The following ACCSL variants were observed in gnomAD, a reference collection of about 807,000 sequenced individuals.
ACCSL encodes the protein probable inactive 1-aminocyclopropane-1-carboxylate synthase-like protein 2.
In ACCSL, 55 loss-of-function variants were observed where a neutral mutation model predicts 61.7. That is an observed-to-expected ratio of 0.89 (90% CI 0.72 to 1.12). ACCSL has a LOEUF of 1.12. ACCSL is among the 50% of genes most tolerant of loss of function. ACCSL has a pLI of 0.00. For missense variants in ACCSL, 632 were observed against 698.0 expected (o/e 0.91, Z 1.07); for synonymous variants, 258 against 264.3 (o/e 0.98, Z 0.23).
chr11:44,022,622 A>G, the ACCSL span, among the ~76,000 whole-genome samples: 2 of 151,934 alleles, frequency 1.3e-5, no homozygotes, highest in Non-Finnish European at 2.9e-5. Flanking sequence ...TTCTTGTCTG[A>G]TTGCTCTGGC....
chr11:43,994,659 G>T, the ACCSL span, among the ~76,000 whole-genome samples: 2 of 151,904 alleles, frequency 1.3e-5, no homozygotes, highest in Middle Eastern at 3.4e-3. Flanking sequence ...TTGAGACAGG[G>T]TCTCACTCTG....
chr11:43,959,728 T>C, the ACCSL span, among the ~76,000 whole-genome samples: 4 of 152,154 alleles, frequency 2.6e-5, no homozygotes, highest in African/African-American at 9.7e-5. Flanking sequence ...ATCCTGGCCC[T>C]CAGGGAGATT....
At chr11:44,004,103 C>T in the ACCSL span, among the ~76,000 whole-genome samples, 189 of 151,870 alleles carry the variant, frequency 1.2e-3, 1 homozygote, top group Middle Eastern at 0.01. Flanking sequence ...CCTCTTGTTC[C>T]GTTGGTCCTG....
At chr11:44,058,236 A>G in intron 11 of ACCSL, 81 bp from the exon 12 acceptor site, 1 of 1,486,856 alleles carries the variant, frequency 6.7e-7, no homozygotes, top group Non-Finnish European at 9.2e-7. Context: ...CATGAAGCCC[A>G]GGAAGGGAGC....
At chr11:44,014,966 C>A in the ACCSL span, among the ~76,000 whole-genome samples, 1 of 152,244 alleles carries the variant, frequency 6.6e-6, no homozygotes, top group African/African-American at 2.4e-5. Flanking sequence ...TGCCTTCCCC[C>A]TCCCCTCCTC....
chr11:44,015,772 A>T, the ACCSL span, among the ~76,000 whole-genome samples: 3 of 152,240 alleles, frequency 2.0e-5, no homozygotes, highest in Non-Finnish European at 2.9e-5. Context: ...ATAGATCTGC[A>T]TTCAAATCCT....
chr11:44,027,369 T>C, the ACCSL span, among the ~76,000 whole-genome samples: 4 of 152,238 alleles, frequency 2.6e-5, no homozygotes, highest in African/African-American at 9.6e-5. Flanking sequence ...GAGCTTTTCA[T>C]AGCCGCCTAT....
chr11:44,004,086 C>A, the ACCSL span, among the ~76,000 whole-genome samples: 1 of 151,994 alleles, frequency 6.6e-6, no homozygotes, highest in Non-Finnish European at 1.5e-5. Flanking sequence ...TGCCTAGCAA[C>A]CTGCAGCCTC....
intron 11 of ACCSL, among the ~76,000 whole-genome samples, chr11:44,057,705 A>C (rs1952680042): frequency 1.1e-5 from 1 of 94,062 alleles, no homozygotes; most frequent in Non-Finnish European, 2.7e-5. Context: ...TGCCCAGTTA[A>C]CAACAACAGC....
chr11:44,008,622 T>G, the ACCSL span, among the ~76,000 whole-genome samples: 1 of 152,254 alleles, frequency 6.6e-6, no homozygotes, highest in African/African-American at 2.4e-5. Context: ...TTTCTATATA[T>G]GAACTGTGTC....
At chr11:43,955,443 A>G in the ACCSL span, among the ~76,000 whole-genome samples, 1 of 152,230 alleles carries the variant, frequency 6.6e-6, no homozygotes, top group East Asian at 1.9e-4. Context: ...AGACCAATTC[A>G]GAGATCACAG....
chr11:43,996,407 G>T, the ACCSL span, among the ~76,000 whole-genome samples: 3 of 152,150 alleles, frequency 2.0e-5, no homozygotes, highest in Non-Finnish European at 2.9e-5. Context: ...AGATTGCCAC[G>T]CTCTGTTAAC....
At chr11:44,028,823 T>A in the ACCSL span, among the ~76,000 whole-genome samples, 1 of 152,254 alleles carries the variant, frequency 6.6e-6, no homozygotes, top group Non-Finnish European at 1.5e-5. Flanking sequence ...ATGAGGGTCA[T>A]GTGGAATCAT....
At chr11:43,947,425 T>C in the ACCSL span, among the ~76,000 whole-genome samples, 3 of 152,166 alleles carry the variant, frequency 2.0e-5, no homozygotes, top group Non-Finnish European at 4.4e-5. Context: ...CTCCTCCCTG[T>C]GCTCACAGGC....
chr11:44,033,964 A>G, the ACCSL span, among the ~76,000 whole-genome samples: 1 of 145,190 alleles, frequency 6.9e-6, no homozygotes, highest in Non-Finnish European at 1.5e-5. Context: ...AGACATTGGC[A>G]GAAGGGATGG....
chr11:44,002,979 A>G, the ACCSL span, among the ~76,000 whole-genome samples: 1 of 152,190 alleles, frequency 6.6e-6, no homozygotes, highest in African/African-American at 2.4e-5. Flanking sequence ...ATGCAGGGTC[A>G]CAAGGAGGCT....
chr11:43,940,914 C>T, the ACCSL span, among the ~76,000 whole-genome samples: 10 of 152,166 alleles, frequency 6.6e-5, no homozygotes, highest in Admixed American at 3.3e-4. Context: ...TCAGGAGCCA[C>T]GCTGCTGGGG....
the ACCSL span, among the ~76,000 whole-genome samples, chr11:43,965,734 A>G: frequency 0.45 from 67,760 of 152,058 alleles, 15,672 homozygotes; most frequent in East Asian, 0.61. Flanking sequence ...TAATCAAAAC[A>G]ATGTGGTACT....
At chr11:44,056,688 C>T (rs940390156) in intron 11 of ACCSL, among the ~76,000 whole-genome samples, 2 of 152,124 alleles carry the variant, frequency 1.3e-5, no homozygotes, top group African/African-American at 4.8e-5. Context: ...CAAAATTAGC[C>T]AGGCATGCTG....
Sources: allele counts gnomAD v4.1 joint callset (sites outside exome capture counted in the v4.1 genomes callset), GRCh38; gene constraint gnomAD v4.1.1; transcripts MANE v1.5; gene names NCBI Gene and HGNC (gene_info 2026-07-23, HGNC 2026-07-21).